The following SYNE2 variants were observed in gnomAD, a reference collection of about 807,000 sequenced individuals.
SYNE2 encodes the protein nesprin-2.
SYNE2 carries 431 observed loss-of-function variants against 856.3 expected under a neutral mutation model. The observed-to-expected ratio is 0.50, with a 90% CI of 0.47 to 0.55. The LOEUF is 0.55. SYNE2 is among the 20% of genes least tolerant of loss of function. SYNE2 has a pLI of 0.00. For missense variants in SYNE2, 8,129 were observed against 8,023.2 expected, an observed-to-expected ratio of 1.01 and a Z score of -0.50; for synonymous variants, 2,923 against 2,872.3, an observed-to-expected ratio of 1.02 and a Z score of -0.56.
chr14:63,842,165 T>C (rs962477559), intron 1 of SYNE2, among the ~76,000 whole-genome samples: 2 of 151,312 alleles, frequency 1.3e-5, no homozygotes, highest in Non-Finnish European at 2.9e-5. Context: ...TCTTTTTGTT[T>C]GTTTGTTTGT....
intron 61 of SYNE2, among the ~76,000 whole-genome samples, chr14:64,095,498 A>G (rs2097669008): frequency 6.6e-6 from 1 of 152,204 alleles, no homozygotes; most frequent in Admixed American, 6.5e-5. Flanking sequence ...ATGTTGACAC[A>G]TTGTCAATAT....
intron 96 of SYNE2, among the ~76,000 whole-genome samples, chr14:64,178,219 C>T (rs2098443413): frequency 6.6e-6 from 1 of 152,110 alleles, no homozygotes; most frequent in Admixed American, 6.5e-5. Context: ...TGTCTTTCTC[C>T]CTACATCTTT....
chr14:63,773,356 T>C (rs1208776590), intron 1 of SYNE2, among the ~76,000 whole-genome samples: 1 of 151,684 alleles, frequency 6.6e-6, no homozygotes. Context: ...CACACGACCA[T>C]GCCCTGAGAA....
intron 1 of SYNE2, among the ~76,000 whole-genome samples, chr14:63,799,140 G>A (rs918563227): frequency 3.9e-5 from 6 of 152,216 alleles, no homozygotes; most frequent in South Asian, 4.2e-4. Context: ...GTGCAGTGGC[G>A]CAATCTCTGC....
rs1456376065 is a variant in SYNE2, at chr14:64,208,150, G to C, written c.18202-608G>C. On this transcript the variant is annotated intron_variant, in intron 100 of 115. Coordinates refer to ENST00000555002, the MANE Select transcript of SYNE2 (RefSeq NM_182914.3). ...CTCCAGAGACCCCACCTCTCTCCAA[G>C]CCACCACAGCTTTGGCTGGACTTTA... The C allele has an allele frequency of 1.8e-5, 8 of 456,010 alleles. No homozygotes were observed. In the Middle Eastern group the frequency reaches 9.8e-4, roughly 56 times the overall value. 28.2% of individuals were successfully genotyped at this position (456,010 alleles called of 1,614,324 possible). A position where few individuals can be genotyped will look rare whatever the true frequency, so the allele number is the denominator to read the frequency against.
At chr14:64,153,397 T>C (rs970681628) in intron 85 of SYNE2, among the ~76,000 whole-genome samples, 3 of 152,234 alleles carry the variant, frequency 2.0e-5, no homozygotes, top group Non-Finnish European at 4.4e-5. Context: ...TGGTATAATC[T>C]ATCAATGGTA....
chr14:63,763,914 G>T (rs1033332926), intron 1 of SYNE2, among the ~76,000 whole-genome samples: 1 of 152,128 alleles, frequency 6.6e-6, no homozygotes, highest in South Asian at 2.1e-4. Context: ...CACCTGAAGC[G>T]ATCCTCCTGC....
rs770435948 is a variant in SYNE2 at position 64,024,384 on chromosome 14, T to C, written c.5765T>C (p.Phe1922Ser). Residue 1922 changes from phenylalanine to serine, a missense_variant, in exon 39 of 116, where the codon TTC (phenylalanine) becomes TCC (serine). Transcript: ENST00000555002. ...ATCAGTTGGCTCGTGGGTCAGGAAT[T>C]CGAATTAGAAAAAATGGAGTCCATA... is the stretch of plus-strand genomic sequence containing the variant. The part of the protein sequence containing the change: ...ELISWLVGQE[F>S]ELEKMESICQ... The C allele has an allele frequency of 1.2e-6, 2 of 1,614,104 alleles. No homozygotes were observed. The highest frequency in any genetic ancestry group is 2.2e-5 in the East Asian group (1 of 44,890).
intron 1 of SYNE2, among the ~76,000 whole-genome samples, chr14:63,855,216 C>T (rs535860479): frequency 6.6e-6 from 1 of 152,050 alleles, no homozygotes; most frequent in Non-Finnish European, 1.5e-5. Context: ...ACAAGACAGT[C>T]GTGATTCCTG....
intron 2 of SYNE2, among the ~76,000 whole-genome samples, chr14:63,923,263 G>C (rs12147421): frequency 0.015 from 2,216 of 152,264 alleles, 24 homozygotes; most frequent in Middle Eastern, 0.02. Flanking sequence ...GCAGAGAGCC[G>C]GGAGCTATGT....
At chr14:63,912,862 C>T (rs2095489605) in intron 2 of SYNE2, among the ~76,000 whole-genome samples, 1 of 152,194 alleles carries the variant, frequency 6.6e-6, no homozygotes, top group Non-Finnish European at 1.5e-5. Context: ...AAGCAAGTGA[C>T]TTTATCTTTC....
In SYNE2 at chr14:64,107,595, C is replaced by A. The variant is rs1384815487; in HGVS notation, c.12597C>A (p.Asn4199Lys). The A allele has an allele frequency of 3.1e-6, 5 of 1,613,936 alleles. No individual in the cohort carries two copies. In the South Asian group the frequency reaches 5.5e-5, roughly 18 times the overall value. Residue 4199 changes from asparagine (N) to lysine (K), a missense_variant, in exon 65 of 116, where the codon AAC (asparagine) becomes AAA (lysine). By Grantham distance (94) the Asn-to-Lys change is moderately conservative (BLOSUM62 0). This residue lies in a region of SYNE2 where 5,410 missense variants were observed against 5,284.8 expected (regional missense o/e 1.02). Transcript: ENST00000555002. ...EQGPECSLRP[N>K]QTEEGTTPPI... is the part of the protein sequence containing the mutation. ...GCCCAGAATGTTCCCTAAGGCCCAA[C>A]CAAACAGAAGAGGTAAGTCCTGGTT...
In SYNE2 at chr14:63,980,660, A is replaced by T. The variant is rs1362253491; in HGVS notation, c.1576A>T (p.Ile526Phe). 3 of 1,591,804 alleles carry T rather than the reference A, an allele frequency of 1.9e-6. No homozygotes were observed. The African/African-American group carries it at 4.0e-5, about 21-fold the overall frequency. Residue 526 changes from isoleucine (I) to phenylalanine (F), a missense_variant, in exon 15 of 116, where the codon ATT (isoleucine) becomes TTT (phenylalanine). Coordinates refer to ENST00000555002, the MANE Select transcript of SYNE2 (RefSeq NM_182914.3). ...ELLLEDWHKF[I>F]EEKEFLARLD... ...TTTTTTGTTTTCTTCCCAGAAATTTATTGAAGAAAAAGAATTCCTAGCTCG... is the reference window on the plus strand; with the variant it reads ...TTTTTTGTTTTCTTCCCAGAAATTTTTTGAAGAAAAAGAATTCCTAGCTCG...
intron 32 of SYNE2, among the ~76,000 whole-genome samples, chr14:64,011,158 G>T (rs1047721223): frequency 6.6e-6 from 1 of 152,088 alleles, no homozygotes; most frequent in African/African-American, 2.4e-5. Context: ...GTCAGGAATG[G>T]CCCTTGTCTG....
chr14:64,126,816 C>T lies in SYNE2; in HGVS notation c.13917+9C>T. The stretch of plus-strand genomic sequence containing the variant: ...ACAACCGCAGTTACCAGGTATGATT[C>T]CGAGCACACAGCCTATTTTGGCACT... On this transcript the variant is annotated intron_variant, in intron 73 of 115. Coordinates refer to ENST00000555002, the MANE Select transcript of SYNE2 (RefSeq NM_182914.3). The T allele has an allele frequency of 6.2e-7, 1 of 1,608,718 alleles. No individual in the cohort carries two copies. Among genetic ancestry groups the T allele is most frequent in the South Asian group, 1.1e-5 (1 of 91,074 alleles).
chr14:63,969,169 C>CTT (rs34436117), intron 11 of SYNE2, among the ~76,000 whole-genome samples: 14 of 128,916 alleles, frequency 1.1e-4, no homozygotes, highest in South Asian at 2.5e-4. Context: ...GAATCTCATT[C>CTT]TTTTTTTTTT....
At position 64,007,177 on chromosome 14, in the gene SYNE2, A is replaced by G; in HGVS notation, c.4532A>G (p.Asn1511Ser). ...REKTVNQQCQ[N>S]TVVLWENTKA... is the part of the protein sequence containing the mutation. ...AAAACCGTGAATCAACAGTGCCAAA[A>G]TACAGTAGTCTTGTGGGAGAATACC... The change falls in exon 31 of 116, where the codon AAT becomes AGT. Residue 1511 changes from asparagine to serine, a missense_variant. Around this residue, in one of 3 missense-constraint regions of SYNE2, gnomAD observed 2,422 missense variants for 2,357.4 expected, o/e 1.03. Transcript: ENST00000555002. The G allele has an allele frequency of 1.2e-6, 2 of 1,614,214 alleles. No individual in the cohort carries two copies. The highest frequency in any genetic ancestry group is 1.7e-6 in the Non-Finnish European group (2 of 1,180,018).
At chr14:63,884,556 T>G (rs1169344856) in intron 1 of SYNE2, among the ~76,000 whole-genome samples, 1 of 152,074 alleles carries the variant, frequency 6.6e-6, no homozygotes, top group Non-Finnish European at 1.5e-5. Flanking sequence ...GGGTGTGTAG[T>G]GGGCACCAAG....
intron 6 of SYNE2, 39 bp downstream of exon 6, chr14:63,942,182 C>A (rs746447382): frequency 8.1e-7 from 1 of 1,227,478 alleles, no homozygotes; most frequent in Non-Finnish European, 1.2e-6. Context: ...TTCTACCCTA[C>A]CACAGTATAA....
Sources: gnomAD v4.1 joint callset for allele counts (sites outside exome capture counted in the v4.1 genomes callset) on GRCh38, gnomAD v4.1.1 for gene constraint, gnomAD v4.1.1 regional missense constraint, MANE v1.5 for transcripts, NCBI Gene and HGNC (gene_info 2026-07-23, HGNC 2026-07-21) for gene names.